The following MSRA variants were observed in gnomAD, a reference collection of about 807,000 sequenced individuals.
The protein encoded by MSRA is methionine sulfoxide reductase A, also known as mitochondrial peptide methionine sulfoxide reductase.
A neutral mutation model predicts 31.3 loss-of-function variants in MSRA; 54 were observed. The ratio of observed to expected loss-of-function variants is 1.73; its 90% CI spans 1.39 to 2.17. The LOEUF is 2.17. MSRA is among the 30% of genes most tolerant of loss of function. The probability of loss-of-function intolerance (pLI) is 0.00; values close to 1 mark genes in which losing one functional copy is unlikely to be tolerated. For synonymous variants in MSRA, 169 were observed against 116.5 expected (o/e 1.45, Z -2.90); for missense variants, 507 against 300.9 (o/e 1.69, Z -5.07).
chr8:10,336,936 C>T (rs894951445), intron 5 of MSRA: 5 of 152,218 alleles, frequency 3.3e-5, no homozygotes, highest in Non-Finnish European at 7.3e-5. Context: ...CGAATTGTTT[C>T]CTTTCTCTGG....
chr8:10,234,267 C>G (rs186035947), intron 2 of MSRA, among the ~76,000 whole-genome samples: 1 of 151,984 alleles, frequency 6.6e-6, no homozygotes, highest in Admixed American at 6.6e-5. Context: ...AAAAAAATAA[C>G]CCTCTGTGTG....
At chr8:10,295,924 G>A (rs188977478) in intron 3 of MSRA, among the ~76,000 whole-genome samples, 6 of 152,180 alleles carry the variant, frequency 3.9e-5, no homozygotes, top group Non-Finnish European at 7.3e-5. Flanking sequence ...TGCTCCTGTA[G>A]CCCCTCTTTC....
intron 2 of MSRA, among the ~76,000 whole-genome samples, chr8:10,219,828 A>AAAAAAAAAAAAT (rs1563232602): frequency 6.8e-6 from 1 of 147,464 alleles, no homozygotes; most frequent in Non-Finnish European, 1.5e-5. Flanking sequence ...AAAAAAAAAA[A>AAAAAAAAAAAAT]GATATTTGTT....
At chr8:10,383,704 G>A (rs981218234) in intron 5 of MSRA, among the ~76,000 whole-genome samples, 4 of 152,142 alleles carry the variant, frequency 2.6e-5, no homozygotes. Flanking sequence ...AAATCGGATC[G>A]CTTTCCTTTC....
chr8:10,379,155 C>A (rs1270934191), intron 5 of MSRA, among the ~76,000 whole-genome samples: 2 of 152,204 alleles, frequency 1.3e-5, no homozygotes, highest in East Asian at 3.8e-4. Flanking sequence ...CTGCCCTGTC[C>A]ATAAGCATTT....
At chr8:10,307,863 A>T (rs1005158366) in intron 4 of MSRA, among the ~76,000 whole-genome samples, 40 of 152,206 alleles carry the variant, frequency 2.6e-4, no homozygotes, top group Admixed American at 1.5e-3. Context: ...GTGTGCAGCC[A>T]CCCATAAAGA....
intron 1 of MSRA, among the ~76,000 whole-genome samples, chr8:10,088,374 T>C (rs890295440): frequency 1.3e-5 from 2 of 152,232 alleles, no homozygotes; most frequent in Non-Finnish European, 2.9e-5. Context: ...TGTAAAGATG[T>C]CTGCACTCCA....
intron 1 of MSRA, among the ~76,000 whole-genome samples, chr8:10,078,174 A>G (rs1409197709): frequency 3.3e-5 from 5 of 152,226 alleles, no homozygotes; most frequent in South Asian, 2.1e-4. Context: ...GGTGAGCACT[A>G]TAAAGATGTC....
At chr8:10,271,371 G>T (rs1456058605) in intron 3 of MSRA, among the ~76,000 whole-genome samples, 1 of 152,170 alleles carries the variant, frequency 6.6e-6, no homozygotes, top group Admixed American at 6.5e-5. Flanking sequence ...TAAAAAAGGG[G>T]AGAGGGCCTT....
chr8:10,083,396 G>T (rs771321586), intron 1 of MSRA, among the ~76,000 whole-genome samples: 1 of 151,926 alleles, frequency 6.6e-6, no homozygotes, highest in Non-Finnish European at 1.5e-5. Flanking sequence ...AAATCTCTTG[G>T]GTATCTTAAG....
chr8:10,077,784 T>C (rs1047216618), intron 1 of MSRA, among the ~76,000 whole-genome samples: 1 of 152,218 alleles, frequency 6.6e-6, no homozygotes, highest in African/African-American at 2.4e-5. Context: ...ACATGGAATC[T>C]GGACCTGGCA....
At chr8:10,246,238 C>T (rs185869951) in intron 3 of MSRA, among the ~76,000 whole-genome samples, 35 of 152,228 alleles carry the variant, frequency 2.3e-4, no homozygotes, top group Admixed American at 1.3e-3. Flanking sequence ...AAATATTTAC[C>T]GTTGGGTGCT....
At chr8:10,424,246 A>G (rs1808991609) in intron 5 of MSRA, among the ~76,000 whole-genome samples, 2 of 152,218 alleles carry the variant, frequency 1.3e-5, no homozygotes, top group South Asian at 4.1e-4. Context: ...GTAAAAATGA[A>G]CAACACCAAA....
chr8:10,054,896 G>A (rs78263667), intron 1 of MSRA, among the ~76,000 whole-genome samples: 1,586 of 152,332 alleles, frequency 0.01, 31 homozygotes, highest in African/African-American at 0.035. Flanking sequence ...TGGGCATTCT[G>A]AAGGAATCTA....
At chr8:10,096,108 C>G (rs917042619) in intron 1 of MSRA, 28 of 1,292,582 alleles carry the variant, frequency 2.2e-5, no homozygotes, top group African/African-American at 3.0e-5. Context: ...TTTCAAGGAG[C>G]CTTTCTAAGA....
At chr8:10,255,166 A>T (rs969163318) in intron 3 of MSRA, among the ~76,000 whole-genome samples, 5 of 152,248 alleles carry the variant, frequency 3.3e-5, no homozygotes, top group Admixed American at 1.3e-4. Flanking sequence ...GACTAGGGCC[A>T]AGTTAACTTT....
chr8:10,318,185 G>A (rs866993416), intron 4 of MSRA, among the ~76,000 whole-genome samples: 1 of 152,202 alleles, frequency 6.6e-6, no homozygotes, highest in African/African-American at 2.4e-5. Context: ...GGCCATCAAA[G>A]TTTAAATCGC....
rs1809318985 is a variant in MSRA, at chr8:10,428,259, T to C, written c.655T>C (p.Tyr219His). ...QQYLSKNPNG[Y>H]CGLGGTGVSC... is the part of the protein sequence containing the mutation. The stretch of plus-strand genomic sequence containing the variant: ...GTACCTGAGCAAGAACCCCAATGGC[T>C]ACTGCGGCCTTGGGGGCACCGGCGT... Residue 219 changes from tyrosine to histidine, a missense_variant, in exon 6 of 6, where the codon TAC (tyrosine) becomes CAC (histidine). By Grantham distance (83) the Tyr-to-His change is moderately conservative. Transcript: ENST00000317173. 1 of 1,614,186 alleles carries C rather than the reference T, an allele frequency of 6.2e-7. No individual in the cohort carries two copies. Among genetic ancestry groups the C allele is most frequent in the Non-Finnish European group, 8.5e-7 (1 of 1,180,024 alleles).
At chr8:10,408,013 T>C (rs1807924958) in intron 5 of MSRA, among the ~76,000 whole-genome samples, 1 of 152,132 alleles carries the variant, frequency 6.6e-6, no homozygotes, top group African/African-American at 2.4e-5. Context: ...GAATTTCTAT[T>C]AAAAAATTGA....
Sources: allele counts gnomAD v4.1 joint callset (sites outside exome capture counted in the v4.1 genomes callset), GRCh38; gene constraint gnomAD v4.1.1; transcripts MANE v1.5; gene names NCBI Gene and HGNC (gene_info 2026-07-23, HGNC 2026-07-21).